Variants in SLC30A5 observed in about 807,000 individuals in gnomAD.
SLC30A5 encodes the protein proton-coupled zinc antiporter SLC30A5.
In SLC30A5, 33 loss-of-function variants were observed where a neutral mutation model predicts 79.6. That is an observed-to-expected ratio of 0.41 (90% CI 0.31 to 0.55). SLC30A5 has a LOEUF of 0.55. SLC30A5 is among the 20% of genes least tolerant of loss of function. SLC30A5 has a pLI of 0.20. For synonymous variants in SLC30A5, 299 were observed against 319.7 expected, an observed-to-expected ratio of 0.94 and a Z score of 0.69; for missense variants, 788 against 928.1, an observed-to-expected ratio of 0.85 and a Z score of 1.96.
chr5:69,103,850 A>G (rs1746002564), intron 3 of SLC30A5: 1 of 844,698 alleles, frequency 1.2e-6, no homozygotes, highest in Non-Finnish European at 1.8e-6. Context: ...CTGCGTCATA[A>G]TTTTTTTATT....
rs574063728 is a variant in SLC30A5, at chr5:69,104,200, C to T, written c.274-431C>T. ...TCGCCCAGGCTGCAGTGCAGTGACA[C>T]GATCTTGTCTCACTGCAACCTCTGC... On this transcript the variant is annotated intron_variant, in intron 3 of 15. Coordinates refer to ENST00000396591, the MANE Select transcript of SLC30A5 (RefSeq NM_022902.5). 57 of 919,892 alleles carry T rather than the reference C, an allele frequency of 6.2e-5. No individual in the cohort carries two copies. In the African/African-American group the frequency reaches 9.8e-4, roughly 16 times the overall value. The allele number at this position is 919,892 out of a possible 1,614,324, so 57.0% of individuals were successfully genotyped here.
intron 5 of SLC30A5, among the ~76,000 whole-genome samples, chr5:69,112,443 G>A (rs962074192): frequency 6.6e-6 from 1 of 151,818 alleles, no homozygotes; most frequent in African/African-American, 2.4e-5. Flanking sequence ...GGCTAGACCT[G>A]GTCTCTACAA....
At chr5:69,109,083 C>G (rs1746162077) in intron 5 of SLC30A5, among the ~76,000 whole-genome samples, 1 of 152,004 alleles carries the variant, frequency 6.6e-6, no homozygotes, top group African/African-American at 2.4e-5. Flanking sequence ...ACTTCTTAAC[C>G]AACTCAAGTA....
chr5:69,101,062 T>C, intron 2 of SLC30A5, 133 bp downstream of exon 2: 1 of 812,786 alleles, frequency 1.2e-6, no homozygotes, highest in Non-Finnish European at 1.8e-6. Context: ...TAAACTTTTT[T>C]AACTGGGAGT....
In SLC30A5 at chr5:69,113,123, G is replaced by A. The variant is rs1204373191; in HGVS notation, c.448-17G>A. ...CCTTGAAAAAGTCATCCTTGATGTT[G>A]TTTTCTTTATTTTCAGACAAGGGGA... On this transcript the variant is annotated splice_polypyrimidine_tract_variant and intron_variant, in intron 5 of 15. Coordinates refer to ENST00000396591, the MANE Select transcript of SLC30A5 (RefSeq NM_022902.5). 4 of 1,603,800 alleles carry A rather than the reference G, an allele frequency of 2.5e-6. No individual in the cohort carries two copies. The highest frequency in any genetic ancestry group is 2.6e-6 in the Non-Finnish European group (3 of 1,173,884).
At position 69,103,135 on chromosome 5, in the gene SLC30A5, T is replaced by G; in HGVS notation, c.273+7T>G. The stretch of plus-strand genomic sequence containing the variant: ...AACTATTACCAAACACCAGGTAAGA[T>G]TTTTGCAGAATCTTTTATTCCTAGC... On this transcript the variant is annotated splice_region_variant and intron_variant, in intron 3 of 15. Coordinates refer to ENST00000396591, the MANE Select transcript of SLC30A5 (RefSeq NM_022902.5). 6.5e-7 allele frequency: 1 copy of G among 1,545,452 alleles called. No individual in the cohort carries two copies. Among genetic ancestry groups the G allele is most frequent in the Non-Finnish European group, 8.9e-7 (1 of 1,124,498 alleles).
chr5:69,101,932 G>A (rs1243901085), intron 2 of SLC30A5, among the ~76,000 whole-genome samples: 1 of 150,370 alleles, frequency 6.7e-6, no homozygotes, highest in Non-Finnish European at 1.5e-5. Context: ...ACTCCAGCCT[G>A]GGCAACAGAG....
At chr5:69,129,416 A>C in intron 15 of SLC30A5, 31 bp from the exon 16 acceptor site, 2 of 1,565,344 alleles carry the variant, frequency 1.3e-6, no homozygotes, top group Non-Finnish European at 1.8e-6. Flanking sequence ...ATTACTCTAA[A>C]TGCTTCAAAA....
At chr5:69,094,497 C>T (rs1419825804) in intron 1 of SLC30A5, among the ~76,000 whole-genome samples, 159 bp downstream of exon 1, 1 of 152,068 alleles carries the variant, frequency 6.6e-6, no homozygotes, top group Admixed American at 6.5e-5. Context: ...CCGGGCTCCC[C>T]GGGCTCTTCG....
At chr5:69,097,276 G>A (rs566199721) in intron 1 of SLC30A5, among the ~76,000 whole-genome samples, 1 of 151,670 alleles carries the variant, frequency 6.6e-6, no homozygotes, top group African/African-American at 2.4e-5. Flanking sequence ...CCACCGCGCC[G>A]GGCTAATTTT....
Position 69,114,426 on chromosome 5 carries a change from G to T in SLC30A5, c.542G>T (p.Gly181Val). The T allele has an allele frequency of 6.2e-7, 1 of 1,604,058 alleles. No individual in the cohort carries two copies. Among genetic ancestry groups the T allele is most frequent in the Non-Finnish European group, 8.5e-7 (1 of 1,171,534 alleles). The stretch of plus-strand genomic sequence containing the variant: ...TTTACTTCAACTCACTTAGCTGAAG[G>T]ACATCATGACAGTGCTCTAACTCAT... ...LMAKMAEHPE[G>V]HHDSALTHML... Residue 181 changes from glycine to valine, a missense_variant, in exon 7 of 16, where the codon GGA becomes GTA. Around this residue, in one of 3 missense-constraint regions of SLC30A5, gnomAD observed 626 missense variants for 755.5 expected, o/e 0.83. Coordinates refer to ENST00000396591, the MANE Select transcript of SLC30A5 (RefSeq NM_022902.5).
At position 69,115,308 on chromosome 5, in the gene SLC30A5, T is replaced by C; in HGVS notation, c.684T>C (p.Ser228=). Residue 228 remains serine (S), a synonymous_variant, in exon 8 of 16, where the codon TCT becomes TCC. Coordinates refer to ENST00000396591, the MANE Select transcript of SLC30A5 (RefSeq NM_022902.5). Reference sequence around the variant, plus strand: ...TTCATACAGCTTCCAGAAAGCTCTCTGTCGACGTTGGTGGAGCTAAACGTC... The same window carrying C: ...TTCATACAGCTTCCAGAAAGCTCTCCGTCGACGTTGGTGGAGCTAAACGTC... The part of the protein sequence containing the change: ...VGFHTASRKL[S]VDVGGAKRLQ... The C allele has an allele frequency of 1.2e-6, 2 of 1,614,132 alleles. No individual in the cohort carries two copies. Among genetic ancestry groups the C allele is most frequent in the Non-Finnish European group, 1.7e-6 (2 of 1,179,970 alleles).
rs927174408 is a variant in SLC30A5, at chr5:69,096,943, G to A, written c.83+2605G>A. Among the ~76,000 whole-genome samples the A allele has an allele frequency of 2.6e-5, 4 of 151,012 alleles. No individual in the cohort carries two copies. In the South Asian group the frequency reaches 8.3e-4, roughly 31 times the overall value. On this transcript the variant is annotated intron_variant, in intron 1 of 15. Coordinates refer to ENST00000396591, the MANE Select transcript of SLC30A5 (RefSeq NM_022902.5). Reference sequence around the variant, plus strand: ...TAAGTGCACTGCAGCCTGGGTGACAGTGCAAAACCCTGCCCCGCCTTTCCC... The same window carrying A: ...TAAGTGCACTGCAGCCTGGGTGACAATGCAAAACCCTGCCCCGCCTTTCCC...
intron 5 of SLC30A5, 27 bp downstream of exon 5, chr5:69,108,463 G>C (rs777985766): frequency 1.4e-6 from 2 of 1,470,380 alleles, no homozygotes; most frequent in South Asian, 2.3e-5. Context: ...TCAGTTACTT[G>C]GAAATGGAAA....
rs201268682 is a variant in SLC30A5 at position 69,121,859 on chromosome 5, G to C, written c.1735G>C (p.Gly579Arg). 1 of 1,613,656 alleles carries C rather than the reference G, an allele frequency of 6.2e-7. No homozygotes were observed. ...HSDHGHGHSH[G>R]SAGGGMNANM... ...TGACCATGGGCATGGTCACAGCCAC[G>C]GATCTGCGGGTGGAGGCATGAATGC... Residue 579 changes from glycine to arginine, a missense_variant, in exon 13 of 16, where the codon GGA becomes CGA. Gly to Arg is a moderately radical substitution (Grantham distance 125, BLOSUM62 -2). Around this residue, in one of 3 missense-constraint regions of SLC30A5, gnomAD observed 626 missense variants for 755.5 expected, o/e 0.83. Transcript: ENST00000396591.
Position 69,094,233 on chromosome 5 carries a change from G to T in SLC30A5, c.-23G>T. On this transcript the variant is annotated 5_prime_UTR_variant, in exon 1 of 16. Coordinates refer to ENST00000396591, the MANE Select transcript of SLC30A5 (RefSeq NM_022902.5). ...GAGGAGACCCCGCGACAGGGGCAGC[G>T]GCGGCGGCTCGTGAGCCCCGGGATG... The T allele has an allele frequency of 8.6e-7, 1 of 1,166,918 alleles. No homozygotes were observed. The highest frequency in any genetic ancestry group is 1.1e-6 in the Non-Finnish European group (1 of 911,524). 72.3% of individuals were successfully genotyped at this position (1,166,918 alleles called of 1,614,324 possible). A position where few individuals can be genotyped will look rare whatever the true frequency, so the allele number is the denominator to read the frequency against.
chr5:69,120,384 A>G (rs1451934668), intron 12 of SLC30A5, among the ~76,000 whole-genome samples: 1 of 123,072 alleles, frequency 8.1e-6, no homozygotes, highest in African/African-American at 2.9e-5. Flanking sequence ...ACTCTGTCTC[A>G]AAATGAAAAA....
At chr5:69,118,176 CAAAAA>C (rs376300891) in intron 11 of SLC30A5, among the ~76,000 whole-genome samples, 1 of 83,300 alleles carries the variant, frequency 1.2e-5, no homozygotes. Flanking sequence ...GACTCTGTCT[CAAAAA>C]AAAAAAAAAA....
chr5:69,117,113 T>C, intron 10 of SLC30A5, 126 bp from the exon 11 acceptor site: 1 of 674,084 alleles, frequency 1.5e-6, no homozygotes, highest in East Asian at 2.6e-5. Context: ...CTAATGTAAG[T>C]GGCAGTTAAA....
Sources: allele counts gnomAD v4.1 joint callset (sites outside exome capture counted in the v4.1 genomes callset), GRCh38; gene constraint gnomAD v4.1.1; regional missense constraint gnomAD v4.1.1; transcripts MANE v1.5; gene names NCBI Gene and HGNC (gene_info 2026-07-23, HGNC 2026-07-21).